Variants in NDST4 observed in about 807,000 individuals in gnomAD.
NDST4 encodes the protein N-deacetylase and N-sulfotransferase 4, also known as N-heparan sulfate sulfotransferase 4.
Under a neutral mutation model 100.8 loss-of-function variants are expected in NDST4, and 63 were observed. The ratio of observed to expected loss-of-function variants is 0.62; its 90% CI spans 0.51 to 0.77. The LOEUF (loss-of-function observed/expected upper bound fraction) is 0.77. Among genes scored for constraint, NDST4 ranks in the 30% least tolerant of loss-of-function variants. The pLI is 0.00. For synonymous variants in NDST4, 377 were observed against 361.8 expected, an observed-to-expected ratio of 1.04 and a Z score of -0.48; for missense variants, 943 against 1,018.4, an observed-to-expected ratio of 0.93 and a Z score of 1.01.
chr4:115,096,149 C>G (rs1729617568), intron 1 of NDST4, among the ~76,000 whole-genome samples: 1 of 129,878 alleles, frequency 7.7e-6, no homozygotes, highest in African/African-American at 3.0e-5. Flanking sequence ...GACTAAATCC[C>G]ACTGTCCACC....
Position 114,839,510 on chromosome 4 carries a change from G to C in NDST4, c.2154C>G (p.Phe718Leu). Residue 718 changes from phenylalanine (F) to leucine (L), a missense_variant, in exon 11 of 14, where the codon TTC becomes TTG. Phe to Leu is a conservative substitution (Grantham distance 22). This residue lies in a region of NDST4 where 526 missense variants were observed against 634.1 expected (regional missense o/e 0.83). Transcript: ENST00000264363. Reference protein sequence around the residue: ...RSHEDPAALRFNFYEVISTGH... With the variant: ...RSHEDPAALRLNFYEVISTGH... ...CTGTTGAAATAACTTCATAGAAATT[G>C]AACCTCAGAGCAGCTGGATCTTCAT... 6.2e-7 allele frequency: 1 copy of C among 1,613,794 alleles called. No homozygotes were observed. Among genetic ancestry groups the C allele is most frequent in the Non-Finnish European group, 8.5e-7 (1 of 1,179,844 alleles).
At chr4:114,932,893 T>G (rs1725544081) in intron 6 of NDST4, among the ~76,000 whole-genome samples, 1 of 152,058 alleles carries the variant, frequency 6.6e-6, no homozygotes, top group South Asian at 2.1e-4. Context: ...AATATCCATA[T>G]TACTCACAAT....
chr4:115,095,658 C>G (rs924005606), intron 1 of NDST4, among the ~76,000 whole-genome samples: 1 of 152,028 alleles, frequency 6.6e-6, no homozygotes, highest in Non-Finnish European at 1.5e-5. Context: ...CCTAGAAAAT[C>G]TTATCTTTTA....
chr4:115,079,585 T>A (rs1307975676), intron 1 of NDST4, among the ~76,000 whole-genome samples: 3 of 152,168 alleles, frequency 2.0e-5, no homozygotes, highest in African/African-American at 7.2e-5. Context: ...TGAAAATAGT[T>A]CATGTTATCA....
intron 3 of NDST4, among the ~76,000 whole-genome samples, chr4:114,971,007 AAAAGCACAGGCAAGTAATACAC>A (rs1189926689): frequency 1.3e-5 from 2 of 152,154 alleles, no homozygotes; most frequent in Non-Finnish European, 2.9e-5. Flanking sequence ...AAGAAATGTC[AAAAGCACAGGCAAGTAATACAC>A]AAAGCCCAAA....
rs185723122 is a variant in NDST4 at position 115,012,960 on chromosome 4, C to T, written c.979-35686G>A. On this transcript the variant is annotated intron_variant, in intron 2 of 13. Coordinates refer to ENST00000264363, the MANE Select transcript of NDST4 (RefSeq NM_022569.3). Reference sequence around the variant, plus strand: ...GTGAAGTAAGCTAGACACAGAAGGGCAAACTTCGCATGTTCTCATTTATTT... The same window carrying T: ...GTGAAGTAAGCTAGACACAGAAGGGTAAACTTCGCATGTTCTCATTTATTT... Among the ~76,000 whole-genome samples the T allele has an allele frequency of 2.7e-5, 4 of 150,650 alleles. No homozygotes were observed. In the East Asian group the frequency reaches 7.9e-4, roughly 30 times the overall value.
At chr4:114,853,499 C>G (rs895138534) in intron 7 of NDST4, among the ~76,000 whole-genome samples, 1 of 152,128 alleles carries the variant, frequency 6.6e-6, no homozygotes, top group African/African-American at 2.4e-5. Flanking sequence ...TTATTTCATT[C>G]TATCTGGCTG....
intron 6 of NDST4, among the ~76,000 whole-genome samples, chr4:114,897,210 A>C (rs1724734604): frequency 6.6e-6 from 1 of 152,148 alleles, no homozygotes; most frequent in Non-Finnish European, 1.5e-5. Flanking sequence ...CTGGAGCCCT[A>C]AAAATCTTCT....
intron 2 of NDST4, among the ~76,000 whole-genome samples, chr4:115,061,542 A>G (rs1208283239): frequency 1.3e-5 from 2 of 151,804 alleles, no homozygotes; most frequent in Non-Finnish European, 2.9e-5. Flanking sequence ...CGAACACCAC[A>G]TGTTCTCACT....
intron 4 of NDST4, among the ~76,000 whole-genome samples, chr4:114,948,342 C>A (rs931299716): frequency 6.7e-5 from 10 of 148,938 alleles, no homozygotes; most frequent in Admixed American, 1.3e-4. Flanking sequence ...CCTTCTCTTA[C>A]TTAAAATAAT....
intron 1 of NDST4, among the ~76,000 whole-genome samples, chr4:115,090,747 G>A (rs974513556): frequency 5.9e-5 from 9 of 152,068 alleles, no homozygotes; most frequent in Non-Finnish European, 8.8e-5. Flanking sequence ...CCATTGACAG[G>A]TTACTAAACT....
At chr4:114,959,719 A>G (rs1726217603) in intron 4 of NDST4, among the ~76,000 whole-genome samples, 1 of 152,092 alleles carries the variant, frequency 6.6e-6, no homozygotes, top group Non-Finnish European at 1.5e-5. Context: ...AAAATCGATT[A>G]TGAGATTATG....
intron 7 of NDST4, among the ~76,000 whole-genome samples, chr4:114,866,673 ACAAG>A (rs761058031): frequency 5.5e-4 from 83 of 152,184 alleles, no homozygotes; most frequent in Non-Finnish European, 9.4e-4. Flanking sequence ...TCAGTATATG[ACAAG>A]CATAAGTGTC....
chr4:114,909,218 A>T (rs1725013171), intron 6 of NDST4, among the ~76,000 whole-genome samples: 1 of 152,210 alleles, frequency 6.6e-6, no homozygotes, highest in African/African-American at 2.4e-5. Context: ...CAAGATAATT[A>T]AAAAGTTAAT....
chr4:114,893,475 T>A (rs1185803782), intron 6 of NDST4, among the ~76,000 whole-genome samples: 1 of 152,230 alleles, frequency 6.6e-6, no homozygotes, highest in African/African-American at 2.4e-5. Context: ...TGGTTTTGAT[T>A]TGCATTTCTC....
chr4:115,045,311 T>C (rs1728441663), intron 2 of NDST4, among the ~76,000 whole-genome samples: 1 of 152,160 alleles, frequency 6.6e-6, no homozygotes, highest in African/African-American at 2.4e-5. Context: ...AAAATCAAGC[T>C]GCCTATGTTG....
chr4:114,937,548 A>G, intron 4 of NDST4, 45 bp from the exon 5 acceptor site: 1 of 1,432,378 alleles, frequency 7.0e-7, no homozygotes, highest in Non-Finnish European at 9.4e-7. Context: ...AAGGCCAATT[A>G]ATTCAGTGAA....
chr4:114,911,545 C>T (rs1238466448), intron 6 of NDST4, among the ~76,000 whole-genome samples: 2 of 152,152 alleles, frequency 1.3e-5, no homozygotes, highest in Non-Finnish European at 2.9e-5. Flanking sequence ...TGTCTCTGTA[C>T]CTAGGGCCTA....
At chr4:114,960,228 C>T (rs1013392942) in intron 4 of NDST4, among the ~76,000 whole-genome samples, 2 of 152,188 alleles carry the variant, frequency 1.3e-5, no homozygotes, top group African/African-American at 4.8e-5. Flanking sequence ...TGAGAGAATA[C>T]ATTGCCAAAC....
Sources: gnomAD v4.1 joint callset for allele counts (sites outside exome capture counted in the v4.1 genomes callset) on GRCh38, gnomAD v4.1.1 for gene constraint, gnomAD v4.1.1 regional missense constraint, MANE v1.5 for transcripts, NCBI Gene and HGNC (gene_info 2026-07-23, HGNC 2026-07-21) for gene names.